DDX4: variants seen among roughly 807,000 people sequenced by gnomAD.
DDX4 encodes DEAD-box helicase 4, also known as probable ATP-dependent RNA helicase DDX4.
Under a neutral mutation model 100.0 loss-of-function variants are expected in DDX4, and 25 were observed. The observed-to-expected ratio is 0.25, with a 90% CI of 0.18 to 0.35. The LOEUF (loss-of-function observed/expected upper bound fraction) is 0.35, where lower values mean the gene tolerates loss of function less well. Among genes scored for constraint, DDX4 ranks in the 10% least tolerant of loss-of-function variants. DDX4 has a pLI of 1.00. For missense variants in DDX4, 635 were observed against 882.4 expected (o/e 0.72, Z 3.55); for synonymous variants, 259 against 275.7 (o/e 0.94, Z 0.60).
rs751286444 is a variant in DDX4 at position 55,786,645 on chromosome 5, G to A, written c.992G>A (p.Cys331Tyr). ...IILAGRDLMACAQTGSGKTAA... is the reference protein window; with the variant it reads ...IILAGRDLMAYAQTGSGKTAA... ...CTTGCAGGACGAGATTTGATGGCTT[G>A]CGCTCAAACAGGGTCTGGGAAGACT... is the stretch of plus-strand genomic sequence containing the variant. Residue 331 changes from cysteine to tyrosine, a missense_variant, in exon 14 of 22, where the codon TGC becomes TAC. Cys to Tyr is a radical substitution (Grantham distance 194). Coordinates refer to ENST00000505374, the MANE Select transcript of DDX4 (RefSeq NM_024415.3). 1.1e-5 allele frequency: 17 copies of A among 1,613,420 alleles called. No individual in the cohort carries two copies. The highest frequency in any genetic ancestry group is 4.5e-5 in the East Asian group (2 of 44,874).
chr5:55,751,110 A>G (rs1580516615), intron 3 of DDX4, among the ~76,000 whole-genome samples: 1 of 152,252 alleles, frequency 6.6e-6, no homozygotes, highest in East Asian at 1.9e-4. Flanking sequence ...GAATAGCTAT[A>G]CCAGTTTATA....
At chr5:55,766,226 T>A (rs1740918402) in intron 6 of DDX4, among the ~76,000 whole-genome samples, 1 of 152,052 alleles carries the variant, frequency 6.6e-6, no homozygotes, top group Non-Finnish European at 1.5e-5. Context: ...ACTTATTTTT[T>A]AAAGTAATTT....
chr5:55,742,159 A>G (rs1214351282), intron 2 of DDX4: 2 of 456,172 alleles, frequency 4.4e-6, no homozygotes, highest in African/African-American at 2.0e-5. Flanking sequence ...AAGATTTTAT[A>G]ATGTGGCAAT....
chr5:55,761,603 C>CT (rs34702955), intron 4 of DDX4, among the ~76,000 whole-genome samples: 17,614 of 148,312 alleles, frequency 0.12, 1,526 homozygotes, highest in East Asian at 0.29. Flanking sequence ...ATATAGTTTC[C>CT]TTTTTTTTTT....
rs192038123 is a variant in DDX4 at position 55,749,058 on chromosome 5, C to T, written c.127+2837C>T. On this transcript the variant is annotated intron_variant, in intron 3 of 21. Transcript: ENST00000505374. ...TTATTTAATAGTCATGGAAACCCTT[C>T]TAAACAACTGGTATTATCTGATTAT... Among the ~76,000 whole-genome samples the T allele has an allele frequency of 4.1e-3, 620 of 152,256 alleles. 5 individuals are homozygous for T. The highest frequency in any genetic ancestry group is 0.014 in the African/African-American group (597 of 41,544).
In DDX4 at chr5:55,760,202, A is replaced by G. The variant is rs1316754814; in HGVS notation, c.130A>G (p.Met44Val). 1.3e-6 allele frequency: 2 copies of G among 1,570,836 alleles called. No homozygotes were observed. The highest frequency in any genetic ancestry group is 3.9e-5 in the Admixed American group (2 of 51,200). ...CTTCAAAATGTTGTTTGCTTTAGAA[A>G]TGGATGATGGACCTTCTCGAAGAGA... ...FNRTPASSSEMDDGPSRRDHF... is the reference protein window; with the variant it reads ...FNRTPASSSEVDDGPSRRDHF... Residue 44 changes from methionine (M) to valine (V), a missense_variant and splice_region_variant, in exon 4 of 22, where the codon ATG (methionine) becomes GTG (valine). By Grantham distance (21) the Met-to-Val change is conservative. Transcript: ENST00000505374.
At position 55,792,738 on chromosome 5, in the gene DDX4, C is replaced by T; in HGVS notation, c.1400C>T (p.Pro467Leu). ...GPEMKKLISC[P>L]GMPSKEQRQT... ...GAAATGAAGAAGTTAATTTCTTGCC[C>T]AGGAATGCCATCAAAGGAACAGCGC... Residue 467 changes from proline (P) to leucine (L), a missense_variant, in exon 17 of 22, where the codon CCA becomes CTA. Pro to Leu is a moderately conservative substitution (Grantham distance 98). Around this residue, in one of 4 missense-constraint regions of DDX4, gnomAD observed 115 missense variants for 224.7 expected, o/e 0.51. Coordinates refer to ENST00000505374, the MANE Select transcript of DDX4 (RefSeq NM_024415.3). 6.2e-7 allele frequency: 1 copy of T among 1,600,518 alleles called. No homozygotes were observed. The highest frequency in any genetic ancestry group is 1.1e-5 in the South Asian group (1 of 89,378).
chr5:55,753,496 A>T (rs1018407886), intron 3 of DDX4, among the ~76,000 whole-genome samples: 2 of 151,936 alleles, frequency 1.3e-5, no homozygotes, highest in African/African-American at 2.4e-5. Context: ...ATGCTGCGTT[A>T]TTTCTGAGGG....
At chr5:55,772,902 A>T (rs1468831320) in intron 7 of DDX4, among the ~76,000 whole-genome samples, 1 of 152,184 alleles carries the variant, frequency 6.6e-6, no homozygotes, top group Non-Finnish European at 1.5e-5. Context: ...CCTTTATAAC[A>T]ACACAAAACA....
intron 3 of DDX4, among the ~76,000 whole-genome samples, chr5:55,752,937 A>T (rs956257816): frequency 1.3e-4 from 19 of 151,432 alleles, no homozygotes; most frequent in Non-Finnish European, 2.4e-4. Flanking sequence ...ATGGCCAGTG[A>T]TGGTGAGCAT....
At chr5:55,812,519 GTGC>G (rs1357580784) in intron 18 of DDX4, among the ~76,000 whole-genome samples, 1 of 120,856 alleles carries the variant, frequency 8.3e-6, no homozygotes, top group Non-Finnish European at 2.0e-5. Context: ...AGCCGAGATT[GTGC>G]CACTGCACTC....
chr5:55,750,660 T>C (rs746700612), intron 3 of DDX4, among the ~76,000 whole-genome samples: 2 of 152,154 alleles, frequency 1.3e-5, no homozygotes, highest in South Asian at 2.1e-4. Flanking sequence ...GAAGGCAGGC[T>C]AGAGGCTGAC....
intron 6 of DDX4, among the ~76,000 whole-genome samples, chr5:55,766,442 T>TG (rs544272700): frequency 1.3e-3 from 200 of 151,828 alleles, no homozygotes; most frequent in African/African-American, 4.6e-3. Context: ...AGTTTTGTTT[T>TG]TTTTTTTTTT....
intron 6 of DDX4, among the ~76,000 whole-genome samples, chr5:55,765,395 TA>T (rs57279452): frequency 0.018 from 1,549 of 87,580 alleles, 25 homozygotes; most frequent in Middle Eastern, 0.031. Flanking sequence ...TTAGTTCCCC[TA>T]AAAAAAAAAA....
At chr5:55,742,372 G>A (rs1401820170) in intron 2 of DDX4, 2 of 264,658 alleles carry the variant, frequency 7.6e-6, no homozygotes, top group East Asian at 8.2e-5. Flanking sequence ...CATTTTTGTG[G>A]CACATTTCAG....
In DDX4 at chr5:55,816,473, C is replaced by G. The variant is rs755767468; in HGVS notation, c.2108C>G (p.Thr703Ser). 5 of 1,606,860 alleles carry G rather than the reference C, an allele frequency of 3.1e-6. No individual in the cohort carries two copies. In the South Asian group the frequency reaches 4.4e-5, roughly 14 times the overall value. The change falls in exon 22 of 22, where the codon ACT (threonine) becomes AGT (serine). Residue 703 changes from threonine to serine, a missense_variant. By Grantham distance (58) the Thr-to-Ser change is moderately conservative. Transcript: ENST00000505374. The part of the protein sequence containing the change: ...ASVDTRKGKS[T>S]LNTAGFSSSQ... ...TTAAATAATTACCAGGGCAAGAGCA[C>G]TTTGAACACAGCTGGGTTTTCTTCT... is the stretch of plus-strand genomic sequence containing the variant.
At chr5:55,749,626 A>G (rs1221045080) in intron 3 of DDX4, among the ~76,000 whole-genome samples, 3 of 152,120 alleles carry the variant, frequency 2.0e-5, no homozygotes, top group Non-Finnish European at 4.4e-5. Context: ...GTAACTGTAT[A>G]TGCTAGTTCC....
chr5:55,783,650 G>A (rs182036992), intron 10 of DDX4, among the ~76,000 whole-genome samples: 61 of 143,624 alleles, frequency 4.2e-4, no homozygotes, highest in Non-Finnish European at 8.3e-4. Flanking sequence ...TGGATGGATG[G>A]ATGGATGGAT....
At chr5:55,764,706 ACTTGGCTT>A (rs1740779948) in intron 6 of DDX4, among the ~76,000 whole-genome samples, 3 of 152,292 alleles carry the variant, frequency 2.0e-5, no homozygotes, top group Admixed American at 2.0e-4. Flanking sequence ...AGGGTGCCAA[ACTTGGCTT>A]CATGTCTCTG....
Sources: gnomAD v4.1 joint callset for allele counts (sites outside exome capture counted in the v4.1 genomes callset) on GRCh38, gnomAD v4.1.1 for gene constraint, gnomAD v4.1.1 regional missense constraint, MANE v1.5 for transcripts, NCBI Gene and HGNC (gene_info 2026-07-23, HGNC 2026-07-21) for gene names.